ZNF365: variants seen among roughly 807,000 people sequenced by gnomAD.
The protein encoded by ZNF365 is protein ZNF365.
In ZNF365, 22 loss-of-function variants were observed where a neutral mutation model predicts 35.0. The observed-to-expected ratio is 0.63, with a 90% CI of 0.45 to 0.90. The LOEUF is 0.90. ZNF365 is among the 40% of genes least tolerant of loss of function. The pLI is 0.00. For synonymous variants in ZNF365, 188 were observed against 196.2 expected (o/e 0.96, Z 0.35); for missense variants, 448 against 500.3 (o/e 0.90, Z 1.00).
chr10:62,402,532 T>C, downstream of ZNF365: 2 of 856,666 alleles, frequency 2.3e-6, no homozygotes, highest in Non-Finnish European at 2.8e-6. Flanking sequence ...AAAATGGTCC[T>C]TCCTGAATAA....
rs368278289 is a variant in ZNF365 at position 62,388,566 on chromosome 10, G to A, written c.914G>A (p.Ser305Asn). 4 of 1,613,760 alleles carry A rather than the reference G, an allele frequency of 2.5e-6. No homozygotes were observed. The highest frequency in any genetic ancestry group is 3.4e-6 in the Non-Finnish European group (4 of 1,180,026). The change falls in exon 3 of 5, where the codon AGC (serine) becomes AAC (asparagine). Residue 305 changes from serine (S) to asparagine (N), a missense_variant. Ser to Asn is a conservative substitution (Grantham distance 46, BLOSUM62 1). Transcript: ENST00000395254. ...GCCTCTGGCTTTGTCCGTGATCTCAGCGGGCACGTGGTGAGTCACCCCGGG... is the reference window on the plus strand; with the variant it reads ...GCCTCTGGCTTTGTCCGTGATCTCAACGGGCACGTGGTGAGTCACCCCGGG... ...QQASGFVRDL[S>N]GHVLTDISSN... is the part of the protein sequence containing the mutation.
Position 62,399,533 on chromosome 10 carries a change from G to C in ZNF365, c.968G>C (p.Arg323Pro). The C allele has an allele frequency of 6.2e-7, 1 of 1,613,786 alleles. No individual in the cohort carries two copies. Among genetic ancestry groups the C allele is most frequent in the South Asian group, 1.1e-5 (1 of 91,056 alleles). Residue 323 changes from arginine to proline, a missense_variant, in exon 5 of 5, where the codon CGA (arginine) becomes CCA (proline). By Grantham distance (103) the Arg-to-Pro change is moderately radical (BLOSUM62 -2). Coordinates refer to ENST00000395254, the MANE Select transcript of ZNF365 (RefSeq NM_014951.3). ...SSNRKPKCLSRGHPHSVCNHP... is the reference protein window; with the variant it reads ...SSNRKPKCLSPGHPHSVCNHP... The stretch of plus-strand genomic sequence containing the variant: ...CCCCCTCCAACCCTCTGTAGAAGCC[G>C]AGGGCACCCGCATTCGGTATGTAAC...
intron 3 of ZNF365, among the ~76,000 whole-genome samples, chr10:62,447,159 C>T (rs1001371241): frequency 6.6e-6 from 1 of 151,962 alleles, no homozygotes; most frequent in African/African-American, 2.4e-5. Context: ...GAAATTTGGG[C>T]CTTTTAATAA....
chr10:62,450,183 T>C (rs1224229426), intron 3 of ZNF365, among the ~76,000 whole-genome samples: 1 of 152,186 alleles, frequency 6.6e-6, no homozygotes, highest in African/African-American at 2.4e-5. Flanking sequence ...TCATTTCGTT[T>C]GGATTTTCAG....
intron 4 of ZNF365, among the ~76,000 whole-genome samples, chr10:62,476,152 G>T (rs1589476564): frequency 7.4e-6 from 1 of 134,230 alleles, no homozygotes. Flanking sequence ...CACCTACTGT[G>T]CTTTTTCCTC....
At position 62,376,353 on chromosome 10, in the gene ZNF365, G is replaced by A. The variant is rs780419322; in HGVS notation, c.160G>A (p.Glu54Lys). 1.3e-5 allele frequency: 21 copies of A among 1,614,006 alleles called. No homozygotes were observed. Among genetic ancestry groups the A allele is most frequent in the South Asian group, 2.2e-5 (2 of 91,084 alleles). Residue 54 changes from glutamate (E) to lysine (K), a missense_variant, in exon 2 of 5, where the codon GAA becomes AAA. Around this residue, in one of 3 missense-constraint regions of ZNF365, gnomAD observed 76 missense variants for 96.7 expected, o/e 0.79. Transcript: ENST00000395254. ...RAHLEFSHSY[E>K]ERTLLTKCSL... The stretch of plus-strand genomic sequence containing the variant: ...CCATCTGGAGTTCAGTCACAGCTAC[G>A]AAGAAAGAACCCTCTTGACAAAATG...
At chr10:62,384,054 A>G (rs1839483911) in intron 2 of ZNF365, among the ~76,000 whole-genome samples, 1 of 151,848 alleles carries the variant, frequency 6.6e-6, no homozygotes, top group Admixed American at 6.6e-5. Context: ...TATTGCTTTA[A>G]ATAAGCATGT....
chr10:62,421,621 T>A (rs561146474), intron 3 of ZNF365, among the ~76,000 whole-genome samples: 2 of 152,226 alleles, frequency 1.3e-5, no homozygotes, highest in African/African-American at 4.8e-5. Context: ...GCATACTCAC[T>A]GTTGAAGTAA....
intron 3 of ZNF365, among the ~76,000 whole-genome samples, chr10:62,436,594 A>C (rs1840411235): frequency 6.6e-6 from 1 of 152,224 alleles, no homozygotes; most frequent in Admixed American, 6.5e-5. Context: ...TTTCACCAAG[A>C]AATTTTTATT....
chr10:62,438,422 A>G (rs1840442082), intron 3 of ZNF365, among the ~76,000 whole-genome samples: 1 of 152,042 alleles, frequency 6.6e-6, no homozygotes, highest in Non-Finnish European at 1.5e-5. Context: ...TCCTGGCCTC[A>G]AGTGATACAC....
chr10:62,439,667 C>A lies in ZNF365; in HGVS notation c.925-20074C>A, dbSNP rs79175052. On this transcript the variant is annotated intron_variant, in intron 3 of 4. Coordinates refer to the ZNF365 transcript ENST00000395255. ...TTATCTTGTGAACAAAATGGGAAACCCAAGGGACTCTTGAAGATGTCAACC... is the reference window on the plus strand; with the variant it reads ...TTATCTTGTGAACAAAATGGGAAACACAAGGGACTCTTGAAGATGTCAACC... Among the ~76,000 whole-genome samples, 40 of 152,206 alleles carry A rather than the reference C, an allele frequency of 2.6e-4. No individual in the cohort carries two copies. The East Asian group carries it at 6.9e-3, about 26-fold the overall frequency.
intron 3 of ZNF365, among the ~76,000 whole-genome samples, chr10:62,443,488 A>G (rs950708621): frequency 6.6e-6 from 1 of 152,094 alleles, no homozygotes. Flanking sequence ...CCTGGTTCGG[A>G]GCAGTTACAT....
At chr10:62,453,882 A>G (rs1347137951) in intron 3 of ZNF365, among the ~76,000 whole-genome samples, 2 of 152,244 alleles carry the variant, frequency 1.3e-5, no homozygotes, top group Admixed American at 1.3e-4. Flanking sequence ...ATACATCTTT[A>G]CCATAGAACA....
Position 62,401,443 on chromosome 10 carries a change from A to G in ZNF365, c.*1654A>G, listed in dbSNP as rs917272530. 2.6e-5 allele frequency: 26 copies of G among 984,400 alleles called. No individual in the cohort carries two copies. Among genetic ancestry groups the G allele is most frequent in the Middle Eastern group, 5.2e-4 (1 of 1,936 alleles). The allele number at this position is 984,400 out of a possible 1,614,324, so 61.0% of individuals were successfully genotyped here. On this transcript the variant is annotated 3_prime_UTR_variant, in exon 5 of 5. Coordinates refer to ENST00000395254, the MANE Select transcript of ZNF365 (RefSeq NM_014951.3). ...ATTATACAAACATTCTGAACCTACC[A>G]TAATGAAAATGTTCTTGAATCTTCA... is the stretch of plus-strand genomic sequence containing the variant.
chr10:62,468,368 C>A (rs142285249), intron 4 of ZNF365, among the ~76,000 whole-genome samples: 3 of 152,032 alleles, frequency 2.0e-5, no homozygotes, highest in Non-Finnish European at 4.4e-5. Context: ...TATTATGAAA[C>A]AACTATGCAT....
chr10:62,450,147 G>A (rs1050715321), intron 3 of ZNF365, among the ~76,000 whole-genome samples: 6 of 152,042 alleles, frequency 3.9e-5, no homozygotes, highest in Non-Finnish European at 7.4e-5. Context: ...TGATTGTCTT[G>A]TATGACCTAA....
At chr10:62,390,827 A>G (rs183900948) in intron 3 of ZNF365, among the ~76,000 whole-genome samples, 68 of 152,344 alleles carry the variant, frequency 4.5e-4, no homozygotes, top group African/African-American at 1.5e-3. Flanking sequence ...TTGGAACACA[A>G]TGATAAGTAT....
intron 4 of ZNF365, among the ~76,000 whole-genome samples, chr10:62,474,785 A>G (rs867935698): frequency 3.9e-5 from 6 of 152,326 alleles, no homozygotes; most frequent in Admixed American, 6.5e-5. Context: ...TCCCAAGTTG[A>G]CATAACTAAC....
chr10:62,459,765 C>G, exon 4 of ZNF365: 1 of 1,610,926 alleles, frequency 6.2e-7, no homozygotes, highest in Non-Finnish European at 8.5e-7. Flanking sequence ...TGGCGAAGCT[C>G]GCCTGGTGTG....
Sources: gnomAD v4.1 joint callset for allele counts (sites outside exome capture counted in the v4.1 genomes callset) on GRCh38, gnomAD v4.1.1 for gene constraint, gnomAD v4.1.1 regional missense constraint, MANE v1.5 for transcripts, NCBI Gene and HGNC (gene_info 2026-07-23, HGNC 2026-07-21) for gene names.